Variants in PDE8B observed in about 807,000 individuals in gnomAD.
PDE8B encodes high affinity cAMP-specific and IBMX-insensitive 3',5'-cyclic phosphodiesterase 8B.
A neutral mutation model predicts 101.3 loss-of-function variants in PDE8B; 26 were observed. The observed-to-expected ratio is 0.26, with a 90% CI of 0.19 to 0.36. The LOEUF (loss-of-function observed/expected upper bound fraction) is 0.36. Ranked by LOEUF, PDE8B falls within the 10% of genes least tolerant of loss-of-function variation. The pLI is 1.00. For missense variants in PDE8B, 810 were observed against 1,163.1 expected (o/e 0.70, Z 4.42); for synonymous variants, 424 against 429.3 (o/e 0.99, Z 0.15).
At chr5:77,370,903 A>G (rs1207898801) in intron 10 of PDE8B, among the ~76,000 whole-genome samples, 1 of 152,192 alleles carries the variant, frequency 6.6e-6, no homozygotes, top group Non-Finnish European at 1.5e-5. Flanking sequence ...ATAATGTTGA[A>G]CAATTTTTCG....
chr5:77,209,023 A>T (rs1308057486), upstream of PDE8B, among the ~76,000 whole-genome samples: 11 of 152,146 alleles, frequency 7.2e-5, no homozygotes, highest in Non-Finnish European at 2.9e-5. Context: ...CTACAAGAGC[A>T]CTTCCTAAAA....
chr5:77,097,628 G>C, the PDE8B span, among the ~76,000 whole-genome samples: 1 of 120,144 alleles, frequency 8.3e-6, no homozygotes, highest in African/African-American at 2.9e-5. Context: ...TATCACTTTA[G>C]CTGAAACTTT....
the PDE8B span, among the ~76,000 whole-genome samples, chr5:77,096,017 G>C: frequency 6.6e-6 from 1 of 151,958 alleles, no homozygotes; most frequent in Non-Finnish European, 1.5e-5. Context: ...TTGAGATGGA[G>C]TCTCACTGTG....
chr5:77,180,956 G>A, the PDE8B span, among the ~76,000 whole-genome samples: 1 of 147,008 alleles, frequency 6.8e-6, no homozygotes, highest in Non-Finnish European at 1.5e-5. Flanking sequence ...CCCCAGCGTG[G>A]GGTGTGTACA....
the PDE8B span, among the ~76,000 whole-genome samples, chr5:77,110,399 G>A: frequency 6.6e-6 from 1 of 152,092 alleles, no homozygotes; most frequent in Non-Finnish European, 1.5e-5. Flanking sequence ...TGGAATCCAT[G>A]GCCTGAATGA....
At chr5:77,315,279 T>G (rs1413485129) in intron 2 of PDE8B, among the ~76,000 whole-genome samples, 2 of 152,212 alleles carry the variant, frequency 1.3e-5, no homozygotes, top group Non-Finnish European at 2.9e-5. Context: ...CTTTATTGTT[T>G]TAACTTTTAA....
intron 1 of PDE8B, among the ~76,000 whole-genome samples, chr5:77,255,335 A>G (rs1028446135): frequency 6.6e-6 from 1 of 152,248 alleles, no homozygotes; most frequent in Admixed American, 6.5e-5. Flanking sequence ...TGCTACAGGC[A>G]GGGCTGGCTT....
At chr5:77,420,600 G>A (rs1796440632) in intron 19 of PDE8B, among the ~76,000 whole-genome samples, 1 of 152,070 alleles carries the variant, frequency 6.6e-6, no homozygotes, top group African/African-American at 2.4e-5. Context: ...TCAGTAAGGA[G>A]ATGAACTGTG....
chr5:77,137,553 G>A, the PDE8B span, among the ~76,000 whole-genome samples: 7 of 152,144 alleles, frequency 4.6e-5, no homozygotes, highest in Non-Finnish European at 7.4e-5. Flanking sequence ...TGTCAGATCC[G>A]CCTTGATGCC....
At chr5:77,116,391 C>G in the PDE8B span, among the ~76,000 whole-genome samples, 1 of 151,694 alleles carries the variant, frequency 6.6e-6, no homozygotes, top group Non-Finnish European at 1.5e-5. Flanking sequence ...GCCACCACAC[C>G]CGGCTAACTC....
chr5:77,196,451 G>T, the PDE8B span, among the ~76,000 whole-genome samples: 1 of 152,176 alleles, frequency 6.6e-6, no homozygotes, highest in African/African-American at 2.4e-5. Context: ...TTTGTACATG[G>T]GATGAGGTAA....
At chr5:77,316,476 C>T (rs1386121686) in intron 2 of PDE8B, among the ~76,000 whole-genome samples, 1 of 152,140 alleles carries the variant, frequency 6.6e-6, no homozygotes, top group Non-Finnish European at 1.5e-5. Context: ...TCGTGATTTG[C>T]CTACCTTGGC....
intron 11 of PDE8B, among the ~76,000 whole-genome samples, chr5:77,403,085 T>C (rs1792646879): frequency 6.6e-6 from 1 of 152,236 alleles, no homozygotes; most frequent in South Asian, 2.1e-4. Context: ...TATGAGTTAC[T>C]CTCACAGAAG....
Position 77,211,811 on chromosome 5 carries a change from A to T in PDE8B, c.339+547A>T, listed in dbSNP as rs1748484961. Among the ~76,000 whole-genome samples, 1 of 152,150 alleles carries T rather than the reference A, an allele frequency of 6.6e-6. No individual in the cohort carries two copies. The highest frequency in any genetic ancestry group is 1.5e-5 in the Non-Finnish European group (1 of 68,026). The stretch of plus-strand genomic sequence containing the variant: ...TGAATGAGTGTTCGTGTTTTAAGAG[A>T]TGTGGGAACGGAGCAGAGTGGAACC... On this transcript the variant is annotated intron_variant, in intron 1 of 21. Transcript: ENST00000264917. The surrounding 1 kb of genome is among the most constrained non-coding windows in gnomAD (Gnocchi z 4.1).
chr5:77,393,333 G>T (rs1234731115), intron 10 of PDE8B, among the ~76,000 whole-genome samples: 1 of 151,732 alleles, frequency 6.6e-6, no homozygotes, highest in Non-Finnish European at 1.5e-5. Context: ...GGCAGAAGTT[G>T]CAGTGAGCCA....
intron 1 of PDE8B, among the ~76,000 whole-genome samples, chr5:77,234,649 G>T (rs965449365): frequency 1.3e-5 from 2 of 152,092 alleles, no homozygotes; most frequent in Non-Finnish European, 2.9e-5. Context: ...TCCCTACATA[G>T]TACCTTTCCA....
intron 1 of PDE8B, among the ~76,000 whole-genome samples, chr5:77,303,587 A>G (rs1253344799): frequency 6.6e-6 from 1 of 151,124 alleles, no homozygotes; most frequent in East Asian, 1.9e-4. Context: ...TAAATAAATA[A>G]ATAAATAAAT....
the PDE8B span, among the ~76,000 whole-genome samples, chr5:77,182,610 A>C: frequency 6.6e-6 from 1 of 152,168 alleles, no homozygotes; most frequent in Non-Finnish European, 1.5e-5. Flanking sequence ...TCTGATAAAC[A>C]ATTGACTTAC....
chr5:77,251,446 T>C (rs2149621692), intron 1 of PDE8B, among the ~76,000 whole-genome samples: 1 of 152,366 alleles, frequency 6.6e-6, no homozygotes, highest in East Asian at 1.9e-4. Flanking sequence ...TATTAATTTA[T>C]TTCTGCTTGA....
Sources: allele counts gnomAD v4.1 joint callset (sites outside exome capture counted in the v4.1 genomes callset), GRCh38; gene constraint gnomAD v4.1.1; non-coding constraint Gnocchi (gnomAD v3.1); transcripts MANE v1.5; gene names NCBI Gene and HGNC (gene_info 2026-07-23, HGNC 2026-07-21).